The following PBX3 variants were observed in gnomAD, a reference collection of about 807,000 sequenced individuals.
PBX3 encodes the protein PBX homeobox 3.
Under a neutral mutation model 48.5 loss-of-function variants are expected in PBX3, and 14 were observed. The ratio of observed to expected loss-of-function variants is 0.29; its 90% confidence interval spans 0.19 to 0.45. The LOEUF (loss-of-function observed/expected upper bound fraction) is 0.45, where lower values mean the gene tolerates loss of function less well. Ranked by LOEUF, PBX3 falls within the 20% of genes least tolerant of loss-of-function variation. The pLI, the probability that PBX3 is intolerant of heterozygous loss-of-function variation, is 1.00. For synonymous variants in PBX3, 210 were observed against 200.3 expected (o/e 1.05, Z -0.41); for missense variants, 386 against 546.7 (o/e 0.71, Z 2.93).
At chr9:125,811,775 T>G (rs529560074) in intron 2 of PBX3, among the ~76,000 whole-genome samples, 6 of 152,288 alleles carry the variant, frequency 3.9e-5, no homozygotes, top group South Asian at 2.1e-4. Context: ...GAGAGAGAGA[T>G]AATCTTTCTC....
At chr9:125,764,592 C>A (rs890376529) in intron 2 of PBX3, among the ~76,000 whole-genome samples, 3 of 152,106 alleles carry the variant, frequency 2.0e-5, no homozygotes, top group Non-Finnish European at 2.9e-5. Flanking sequence ...GAACTACATG[C>A]TATAAGAAAA....
intron 2 of PBX3, among the ~76,000 whole-genome samples, chr9:125,827,967 G>C (rs906177701): frequency 5.9e-5 from 9 of 152,068 alleles, no homozygotes; most frequent in African/African-American, 2.2e-4. Flanking sequence ...CTGGAACTAC[G>C]CATTTTGGAA....
At chr9:125,883,874 A>G (rs1394265762) in intron 2 of PBX3, among the ~76,000 whole-genome samples, 1 of 152,196 alleles carries the variant, frequency 6.6e-6, no homozygotes, top group Admixed American at 6.5e-5. Context: ...AGGACTGTCG[A>G]GTTTCTGAGA....
At chr9:125,849,356 A>G (rs1324635732) in intron 2 of PBX3, among the ~76,000 whole-genome samples, 4 of 151,830 alleles carry the variant, frequency 2.6e-5, no homozygotes, top group African/African-American at 4.8e-5. Flanking sequence ...CAGGGTGCAC[A>G]TGGTGGATTT....
At chr9:125,780,972 C>G (rs11788265) in intron 2 of PBX3, among the ~76,000 whole-genome samples, 1 of 62,334 alleles carries the variant, frequency 1.6e-5, no homozygotes, top group African/African-American at 8.3e-5. Flanking sequence ...TGCGGCCGGG[C>G]AGAGGCGCTC....
chr9:125,784,681 G>T (rs1247052534), intron 2 of PBX3, among the ~76,000 whole-genome samples: 2 of 151,958 alleles, frequency 1.3e-5, no homozygotes, highest in Admixed American at 6.6e-5. Flanking sequence ...AATGCCAAGA[G>T]CCTAAATAAA....
chr9:125,877,615 C>G lies in PBX3; in HGVS notation c.275-38071C>G, dbSNP rs554750978. On this transcript the variant is annotated intron_variant, in intron 2 of 8. Transcript: ENST00000373489. The stretch of plus-strand genomic sequence containing the variant: ...ATAATCTTTTTTTATCCCCCTTTTC[C>G]CAAGTTATCAATATAGTCTTTTATT... Among the ~76,000 whole-genome samples the G allele has an allele frequency of 2.0e-4, 30 of 151,986 alleles. 1 individual carries two copies. In the South Asian group the frequency reaches 5.8e-3, roughly 30 times the overall value.
intron 5 of PBX3, among the ~76,000 whole-genome samples, chr9:125,959,210 A>T (rs932459339): frequency 5.9e-5 from 9 of 152,254 alleles, no homozygotes; most frequent in African/African-American, 2.2e-4. Context: ...ATTTGATATG[A>T]AGAAAAGAAG....
intron 2 of PBX3, among the ~76,000 whole-genome samples, chr9:125,878,367 G>GCTCACATTTAA (rs1206925809): frequency 6.6e-6 from 1 of 152,196 alleles, no homozygotes; most frequent in Non-Finnish European, 1.5e-5. Context: ...GACATTTGGT[G>GCTCACATTTAA]CTCACATTTA....
chr9:125,914,676 C>T (rs575128728), intron 2 of PBX3, among the ~76,000 whole-genome samples: 1 of 152,308 alleles, frequency 6.6e-6, no homozygotes, highest in South Asian at 2.1e-4. Context: ...CCCCAAGAAG[C>T]CTTGTAACTA....
intron 4 of PBX3, among the ~76,000 whole-genome samples, chr9:125,932,924 T>C (rs1841750238): frequency 6.6e-6 from 1 of 152,214 alleles, no homozygotes; most frequent in Non-Finnish European, 1.5e-5. Flanking sequence ...TTAGTAATGT[T>C]GTGATGCTGA....
At position 125,963,065 on chromosome 9, in the gene PBX3, T is replaced by G; in HGVS notation, c.1176T>G (p.Leu392=). The G allele has an allele frequency of 6.2e-7, 1 of 1,610,314 alleles. No homozygotes were observed. Among genetic ancestry groups the G allele is most frequent in the South Asian group, 1.1e-5 (1 of 90,574 alleles). ...AGACGGGAGGCTACAGTGATGGCCT[T>G]GGAGGAAATTCACTGTACAGTCCAC... ...INQTGGYSDG[L]GGNSLYSPHN... The change falls in exon 8 of 9, where the codon CTT becomes CTG. Residue 392 remains leucine (L), a synonymous_variant. Transcript: ENST00000373489.
At chr9:125,783,237 A>G (rs1056384138) in intron 2 of PBX3, among the ~76,000 whole-genome samples, 14 of 152,038 alleles carry the variant, frequency 9.2e-5, no homozygotes, top group Non-Finnish European at 4.4e-5. Context: ...ATGTCTCGTT[A>G]TTATACATTG....
At chr9:125,924,219 C>T (rs1321152972) in intron 3 of PBX3, among the ~76,000 whole-genome samples, 1 of 152,216 alleles carries the variant, frequency 6.6e-6, no homozygotes. Flanking sequence ...ACCTAAATAA[C>T]TTTTTTTAAA....
chr9:125,917,371 T>C (rs968281125), intron 3 of PBX3, among the ~76,000 whole-genome samples: 12 of 152,184 alleles, frequency 7.9e-5, no homozygotes, highest in Non-Finnish European at 1.5e-4. Flanking sequence ...TTAACCTACA[T>C]TGACACATCA....
chr9:125,835,690 T>A (rs1300369058), intron 2 of PBX3, among the ~76,000 whole-genome samples: 1 of 152,162 alleles, frequency 6.6e-6, no homozygotes, highest in Non-Finnish European at 1.5e-5. Flanking sequence ...TTAAAACAGC[T>A]TTTATCAAAA....
At chr9:125,842,687 G>A (rs573156576) in intron 2 of PBX3, among the ~76,000 whole-genome samples, 17 of 152,260 alleles carry the variant, frequency 1.1e-4, no homozygotes, top group Non-Finnish European at 1.6e-4. Flanking sequence ...TTAGTTGCTC[G>A]AGTTCTTTTG....
chr9:125,894,906 G>A (rs896036620), intron 2 of PBX3, among the ~76,000 whole-genome samples: 1 of 152,060 alleles, frequency 6.6e-6, no homozygotes, highest in African/African-American at 2.4e-5. Flanking sequence ...AATGGACTTT[G>A]CTAGTGTGTG....
chr9:125,852,584 AC>A (rs1203170322), intron 2 of PBX3, among the ~76,000 whole-genome samples: 1 of 152,160 alleles, frequency 6.6e-6, no homozygotes, highest in African/African-American at 2.4e-5. Context: ...TCTCTTTAGT[AC>A]CATTGCACAT....
Sources: gnomAD v4.1 joint callset for allele counts (sites outside exome capture counted in the v4.1 genomes callset) on GRCh38, gnomAD v4.1.1 for gene constraint, MANE v1.5 for transcripts, NCBI Gene and HGNC (gene_info 2026-07-23, HGNC 2026-07-21) for gene names.